The following METTL24 variants were observed in gnomAD, a reference collection of about 807,000 sequenced individuals.
METTL24 encodes the protein probable methyltransferase-like protein 24.
In METTL24, 29 loss-of-function variants were observed where a neutral mutation model predicts 32.7. The ratio of observed to expected loss-of-function variants is 0.89; its 90% confidence interval spans 0.66 to 1.21. METTL24 has a LOEUF of 1.21. METTL24 is among the 50% of genes most tolerant of loss of function. METTL24 has a pLI of 0.00. For missense variants in METTL24, 439 were observed against 468.1 expected, an observed-to-expected ratio of 0.94 and a Z score of 0.57; for synonymous variants, 163 against 179.5, an observed-to-expected ratio of 0.91 and a Z score of 0.73.
intron 4 of METTL24, among the ~76,000 whole-genome samples, chr6:110,283,248 C>A (rs1336509196): frequency 6.6e-6 from 1 of 152,174 alleles, no homozygotes; most frequent in Non-Finnish European, 1.5e-5. Context: ...ACATACACTA[C>A]ACTTTCATCT....
rs191748813 is a variant in METTL24, at chr6:110,284,933, C to A, written c.786+13989G>T. ...TAACACTGCAGAAGACAGATAGAAG[C>A]AAGCATGAGTTGGTGGCCCACAGGT... On this transcript the variant is annotated intron_variant, in intron 4 of 4. Coordinates refer to ENST00000338882, the MANE Select transcript of METTL24 (RefSeq NM_001123364.3). Among the ~76,000 whole-genome samples, 242 of 152,286 alleles carry A rather than the reference C, an allele frequency of 1.6e-3. 2 individuals are homozygous for A. The highest frequency in any genetic ancestry group is 4.7e-3 in the African/African-American group (197 of 41,564).
chr6:110,324,193 T>C (rs1771980354), intron 1 of METTL24, among the ~76,000 whole-genome samples: 1 of 152,172 alleles, frequency 6.6e-6, no homozygotes, highest in African/African-American at 2.4e-5. Context: ...ACCAGCGCTT[T>C]GGAAGTGATC....
chr6:110,315,567 A>G, intron 2 of METTL24, 86 bp from the exon 3 acceptor site: 1 of 1,434,126 alleles, frequency 7.0e-7, no homozygotes, highest in Non-Finnish European at 9.6e-7. Context: ...CCATCCTTGA[A>G]AACCGTAATA....
chr6:110,331,868 C>T (rs1452232571), intron 1 of METTL24, among the ~76,000 whole-genome samples: 1 of 152,000 alleles, frequency 6.6e-6, no homozygotes, highest in Non-Finnish European at 1.5e-5. Context: ...TGTGACAGAC[C>T]CAGTAGTGGG....
chr6:110,264,673 G>A (rs1461406302), intron 4 of METTL24, among the ~76,000 whole-genome samples: 1 of 152,118 alleles, frequency 6.6e-6, no homozygotes, highest in African/African-American at 2.4e-5. Flanking sequence ...ACATGCACAC[G>A]TATGTTTATT....
Position 110,315,293 on chromosome 6 carries a change from G to T in METTL24, c.557+49C>A, listed in dbSNP as rs1275601633. ...TTGTATTGCTGAAAAGGTCTGAGCT[G>T]CCTGAAGCAGTGTTTGTGTTTTCTT... On this transcript the variant is annotated intron_variant, in intron 3 of 4. Transcript: ENST00000338882. 3.1e-6 allele frequency: 5 copies of T among 1,607,880 alleles called. No homozygotes were observed. The South Asian group carries it at 5.5e-5, about 18-fold the overall frequency.
At chr6:110,252,920 G>A (rs1778309185) in intron 4 of METTL24, among the ~76,000 whole-genome samples, 1 of 152,068 alleles carries the variant, frequency 6.6e-6, no homozygotes, top group Admixed American at 6.6e-5. Context: ...TTCTTCACTA[G>A]TTTTGAACAA....
chr6:110,315,316 C>G, intron 3 of METTL24, 26 bp downstream of exon 3: 1 of 1,613,094 alleles, frequency 6.2e-7, no homozygotes, highest in Non-Finnish European at 8.5e-7. Flanking sequence ...TTTGTGTTTT[C>G]TTCTGCTGTA....
chr6:110,252,162 A>T (rs1778293468), intron 4 of METTL24, among the ~76,000 whole-genome samples: 1 of 152,178 alleles, frequency 6.6e-6, no homozygotes, highest in Admixed American at 6.5e-5. Context: ...AAACAAAAAA[A>T]ACCTGCTGCA....
chr6:110,291,786 C>T (rs1382823694), intron 4 of METTL24, among the ~76,000 whole-genome samples: 1 of 152,142 alleles, frequency 6.6e-6, no homozygotes, highest in Admixed American at 6.6e-5. Context: ...AAAGTGACAA[C>T]ATGCAGTATT....
intron 1 of METTL24, among the ~76,000 whole-genome samples, chr6:110,340,436 C>A (rs1772332149): frequency 1.3e-5 from 2 of 152,190 alleles, no homozygotes; most frequent in African/African-American, 4.8e-5. Flanking sequence ...TCACAACCAT[C>A]CCTGGCCATG....
chr6:110,282,738 C>T (rs969134266), intron 4 of METTL24, among the ~76,000 whole-genome samples: 3 of 151,070 alleles, frequency 2.0e-5, no homozygotes, highest in Non-Finnish European at 4.5e-5. Context: ...TTCAGACCAA[C>T]AACTGATCCC....
In METTL24 at chr6:110,244,970, TTATCTATC is replaced by T. The variant is rs34442447; in HGVS notation, c.*968_*975del. ...AAACATGCCAGTAGGAAAATCTATC[TTATCTATC>T]TATCTATCTATCTATCTATCTATCA... On this transcript the variant is annotated 3_prime_UTR_variant, in exon 5 of 5. Transcript: ENST00000338882. 1.1e-3 allele frequency among the ~76,000 whole-genome samples: 169 copies of T among 150,084 alleles called. No homozygotes were observed. The highest frequency in any genetic ancestry group is 3.3e-3 in the African/African-American group (132 of 40,402).
intron 4 of METTL24, chr6:110,253,989 C>A: frequency 7.6e-7 from 1 of 1,323,408 alleles, no homozygotes; most frequent in Non-Finnish European, 9.7e-7. Flanking sequence ...TCAAGAGCAG[C>A]TCCCCTTTGA....
chr6:110,272,220 T>C (rs1770969918), intron 4 of METTL24, among the ~76,000 whole-genome samples: 1 of 151,958 alleles, frequency 6.6e-6, no homozygotes, highest in African/African-American at 2.4e-5. Context: ...GAACATGAGA[T>C]AGTTAGTTTT....
chr6:110,358,284 C>T lies in METTL24; in HGVS notation c.-12G>A, dbSNP rs775215981. ...CTCTCCCGGGCCATGGCGCTACACT[C>T]GGGGTCCCGCGGGCCGCGCCTGGCC... is the stretch of plus-strand genomic sequence containing the variant. On this transcript the variant is annotated 5_prime_UTR_variant, in exon 1 of 5. Transcript: ENST00000338882. The T allele has an allele frequency of 2.8e-6, 4 of 1,443,272 alleles. No individual in the cohort carries two copies. Among genetic ancestry groups the T allele is most frequent in the Admixed American group, 2.6e-5 (1 of 38,480 alleles). 89.4% of individuals were successfully genotyped at this position (1,443,272 alleles called of 1,614,324 possible). A position where few individuals can be genotyped will look rare whatever the true frequency, so the allele number is the denominator to read the frequency against.
At chr6:110,259,517 C>T (rs1409635754) in intron 4 of METTL24, among the ~76,000 whole-genome samples, 2 of 152,252 alleles carry the variant, frequency 1.3e-5, no homozygotes, top group Non-Finnish European at 2.9e-5. Context: ...GCCTGCCTGC[C>T]TCTGTGGACT....
chr6:110,343,661 G>A (rs1026625370), intron 1 of METTL24, among the ~76,000 whole-genome samples: 1 of 152,196 alleles, frequency 6.6e-6, no homozygotes, highest in Non-Finnish European at 1.5e-5. Context: ...GGATTGATGT[G>A]TAGATAAGAG....
chr6:110,341,312 AT>A (rs1465993551), intron 1 of METTL24, among the ~76,000 whole-genome samples: 2 of 152,192 alleles, frequency 1.3e-5, no homozygotes, highest in Non-Finnish European at 2.9e-5. Context: ...AGGCATTTGG[AT>A]TTTCCAAAAC....
Sources: gnomAD v4.1 joint callset for allele counts (sites outside exome capture counted in the v4.1 genomes callset) on GRCh38, gnomAD v4.1.1 for gene constraint, MANE v1.5 for transcripts, NCBI Gene and HGNC (gene_info 2026-07-23, HGNC 2026-07-21) for gene names.